The following TCF20 variants were observed in gnomAD, a reference collection of about 807,000 sequenced individuals.
The protein encoded by TCF20 is SPRE-binding protein.
TCF20 carries 3 observed loss-of-function variants against 148.6 expected under a neutral mutation model. That is an observed-to-expected ratio of 0.02 (90% CI 0.01 to 0.05). The LOEUF is 0.05. TCF20 is among the 10% of genes least tolerant of loss of function. The pLI is 1.00. For synonymous variants in TCF20, 1,049 were observed against 909.5 expected (o/e 1.15, Z -2.76); for missense variants, 2,350 against 2,429.3 (o/e 0.97, Z 0.69).
At chr22:42,163,710 C>A (rs563288716) in intron 5 of TCF20, among the ~76,000 whole-genome samples, 21 of 152,286 alleles carry the variant, frequency 1.4e-4, no homozygotes, top group South Asian at 1.2e-3. Flanking sequence ...CGGCTGGGTC[C>A]CCGACAGTGA....
At chr22:42,304,506 C>T (rs913061313) in intron 1 of TCF20, among the ~76,000 whole-genome samples, 9 of 152,204 alleles carry the variant, frequency 5.9e-5, no homozygotes, top group African/African-American at 2.2e-4. Flanking sequence ...TTCCCCTGGG[C>T]TTACAAAGCC....
At chr22:42,258,300 G>A (rs987022412) in intron 1 of TCF20, among the ~76,000 whole-genome samples, 1 of 150,706 alleles carries the variant, frequency 6.6e-6, no homozygotes, top group Non-Finnish European at 1.5e-5. Flanking sequence ...TCTTCAGTGC[G>A]CAAAGAGTAC....
At chr22:42,224,979 T>A (rs1922733502) in intron 1 of TCF20, among the ~76,000 whole-genome samples, 1 of 151,048 alleles carries the variant, frequency 6.6e-6, no homozygotes. Flanking sequence ...TTTACATTAA[T>A]TTTTGTGTAG....
intron 1 of TCF20, among the ~76,000 whole-genome samples, chr22:42,266,656 G>A (rs368923934): frequency 6.6e-5 from 10 of 152,298 alleles, no homozygotes; most frequent in East Asian, 1.9e-4. Context: ...GCAGGAGCCC[G>A]TAATCCCAGC....
intron 1 of TCF20, among the ~76,000 whole-genome samples, chr22:42,340,530 G>T (rs1928145867): frequency 6.6e-6 from 1 of 152,152 alleles, no homozygotes; most frequent in Non-Finnish European, 1.5e-5. Flanking sequence ...GGCAGCACCA[G>T]GATTCAACCC....
rs1224417919 is a variant in TCF20, at chr22:42,338,049, T to C, written c.-37+5430A>G. ...AGTCACTGTGGCCAGAGGGAGGGGG[T>C]ACTGGGCCCCACCTGGGTCCAGTGG... On this transcript the variant is annotated intron_variant, in intron 1 of 1. Coordinates refer to the TCF20 transcript ENST00000515426. The surrounding 1 kb of genome is among the most constrained non-coding windows in gnomAD (Gnocchi z 4.0). Among the ~76,000 whole-genome samples the C allele has an allele frequency of 6.6e-6, 1 of 151,864 alleles. No individual in the cohort carries two copies. The highest frequency in any genetic ancestry group is 2.4e-5 in the African/African-American group (1 of 41,310).
At chr22:42,322,917 T>C (rs1927762393) in intron 1 of TCF20, among the ~76,000 whole-genome samples, 1 of 151,290 alleles carries the variant, frequency 6.6e-6, no homozygotes, top group Non-Finnish European at 1.5e-5. Context: ...TGTTTTTCGT[T>C]TTTTTTGAGA....
chr22:42,198,486 C>T (rs767311904), intron 2 of TCF20, among the ~76,000 whole-genome samples: 2 of 152,132 alleles, frequency 1.3e-5, no homozygotes, highest in Admixed American at 1.3e-4. Flanking sequence ...TAAAATAGCA[C>T]AGTATTTGTA....
chr22:42,322,747 G>C (rs1457153501), intron 1 of TCF20, among the ~76,000 whole-genome samples: 1 of 126,484 alleles, frequency 7.9e-6, no homozygotes, highest in Non-Finnish European at 1.6e-5. Flanking sequence ...AGTGCCCGAG[G>C]GAATGAATGA....
rs1281032451 is a variant in TCF20, at chr22:42,213,767, G to T, written c.1539C>A (p.Ser513=). The change falls in exon 2 of 6, where the codon TCC becomes TCA. Residue 513 remains serine (S), a synonymous_variant. Transcript: ENST00000677622. The part of the protein sequence containing the change: ...GSSQPEEQLK[S]PMAESLDGGC... ...CTCCATCTAATGACTCTGCCATAGGGGACTTCAGCTGTTCTTCAGGTTGTG... is the reference window on the plus strand; with the variant it reads ...CTCCATCTAATGACTCTGCCATAGGTGACTTCAGCTGTTCTTCAGGTTGTG... 6.2e-7 allele frequency: 1 copy of T among 1,614,098 alleles called. No homozygotes were observed. The highest frequency in any genetic ancestry group is 1.1e-5 in the South Asian group (1 of 91,074).
chr22:42,172,139 T>C (rs1398241252), intron 3 of TCF20, among the ~76,000 whole-genome samples: 3 of 151,936 alleles, frequency 2.0e-5, no homozygotes, highest in Non-Finnish European at 4.4e-5. Context: ...AGGCCTCCCA[T>C]GCAGGAACAC....
At chr22:42,224,006 G>A (rs967349275) in intron 1 of TCF20, among the ~76,000 whole-genome samples, 3 of 152,094 alleles carry the variant, frequency 2.0e-5, no homozygotes, top group Non-Finnish European at 4.4e-5. Context: ...CTCAGAATTC[G>A]CAAGTCAGTT....
At chr22:42,232,542 G>A (rs1025132482) in intron 1 of TCF20, among the ~76,000 whole-genome samples, 29 of 152,138 alleles carry the variant, frequency 1.9e-4, no homozygotes, top group Admixed American at 1.1e-3. Context: ...CAACTAGTTC[G>A]ATCGGCCGGG....
At chr22:42,260,738 C>A (rs1327276016) in intron 1 of TCF20, among the ~76,000 whole-genome samples, 1 of 152,164 alleles carries the variant, frequency 6.6e-6, no homozygotes, top group Non-Finnish European at 1.5e-5. Flanking sequence ...CCTGCCTTAG[C>A]CTCCCAAAGT....
chr22:42,264,333 ACTGT>A (rs1216153338), intron 1 of TCF20, among the ~76,000 whole-genome samples: 1 of 152,104 alleles, frequency 6.6e-6, no homozygotes, highest in African/African-American at 2.4e-5. Flanking sequence ...TGTTTCCTAC[ACTGT>A]CTAACACTCA....
intron 1 of TCF20, among the ~76,000 whole-genome samples, chr22:42,237,570 C>G (rs559790502): frequency 5.3e-5 from 8 of 152,068 alleles, no homozygotes; most frequent in Non-Finnish European, 1.0e-4. Flanking sequence ...AAATCCTTTC[C>G]GAAAGGTTTT....
intron 1 of TCF20, among the ~76,000 whole-genome samples, chr22:42,221,305 G>A (rs1267619718): frequency 6.6e-6 from 1 of 152,140 alleles, no homozygotes; most frequent in East Asian, 1.9e-4. Flanking sequence ...TTCTTCCAGG[G>A]TTGGGTAAAG....
chr22:42,161,470 G>A lies in TCF20; in HGVS notation c.*45-112C>T, dbSNP rs742087. 8.4e-3 allele frequency: 11,703 copies of A among 1,398,692 alleles called. 794 individuals are homozygous for A. In the African/African-American group the frequency reaches 0.14, roughly 17 times the overall value. 86.6% of individuals were successfully genotyped at this position (1,398,692 alleles called of 1,614,324 possible). A position where few individuals can be genotyped will look rare whatever the true frequency, so the allele number is the denominator to read the frequency against. ...CTTTCAGCAGGGAGCCTGCACTCACGCCCCTCTGCAGATGTGCTGCTGATA... is the reference window on the plus strand; with the variant it reads ...CTTTCAGCAGGGAGCCTGCACTCACACCCCTCTGCAGATGTGCTGCTGATA... On this transcript the variant is annotated intron_variant, in intron 5 of 5. Transcript: ENST00000677622.
Position 42,161,124 on chromosome 22 carries a change from T to G in TCF20, c.*279A>C. The G allele has an allele frequency of 1.9e-5, 1 of 53,546 alleles. No individual in the cohort carries two copies. The allele number at this position is 53,546 out of a possible 1,614,324, so 3.3% of individuals were successfully genotyped here. A position where few individuals can be genotyped will look rare whatever the true frequency, so the allele number is the denominator to read the frequency against. On this transcript the variant is annotated 3_prime_UTR_variant, in exon 6 of 6. Coordinates refer to ENST00000677622, the MANE Select transcript of TCF20 (RefSeq NM_001378418.1). ...TCCCCATCATCCCACCCCTCCCCCC[T>G]CCCCCCACATTGTCACTATGGAGAT...
Sources: gnomAD v4.1 joint callset for allele counts (sites outside exome capture counted in the v4.1 genomes callset) on GRCh38, gnomAD v4.1.1 for gene constraint, Gnocchi (gnomAD v3.1) non-coding constraint, MANE v1.5 for transcripts, NCBI Gene and HGNC (gene_info 2026-07-23, HGNC 2026-07-21) for gene names.